Variants in ATRNL1 observed in about 807,000 individuals in gnomAD.
ATRNL1 encodes attractin like 1.
ATRNL1 carries 95 observed loss-of-function variants against 182.7 expected under a neutral mutation model. The ratio of observed to expected loss-of-function variants is 0.52; its 90% CI spans 0.44 to 0.62. The LOEUF is 0.62. Among genes scored for constraint, ATRNL1 ranks in the 20% least tolerant of loss-of-function variants. The probability of loss-of-function intolerance (pLI) is 0.00; values close to 1 mark genes in which losing one functional copy is unlikely to be tolerated. For missense variants in ATRNL1, 1,471 were observed against 1,679.5 expected, an observed-to-expected ratio of 0.88 and a Z score of 2.17; for synonymous variants, 576 against 568.3, an observed-to-expected ratio of 1.01 and a Z score of -0.19.
At chr10:115,474,469 C>A (rs1848443443) in intron 24 of ATRNL1, among the ~76,000 whole-genome samples, 1 of 151,206 alleles carries the variant, frequency 6.6e-6, no homozygotes, top group African/African-American at 2.4e-5. Context: ...CTTCATGGAT[C>A]TAGACATCTG....
chr10:115,552,447 G>A (rs1853046920), intron 26 of ATRNL1, among the ~76,000 whole-genome samples: 1 of 151,300 alleles, frequency 6.6e-6, no homozygotes, highest in African/African-American at 2.4e-5. Flanking sequence ...TACAGTAAAT[G>A]AAAGTTACTT....
At chr10:115,630,441 A>G (rs1555025932) in intron 26 of ATRNL1, among the ~76,000 whole-genome samples, 2 of 151,956 alleles carry the variant, frequency 1.3e-5, no homozygotes, top group Admixed American at 6.6e-5. Flanking sequence ...CTATTATAGA[A>G]AACAATACGG....
intron 26 of ATRNL1, among the ~76,000 whole-genome samples, chr10:115,674,578 G>T (rs1555042390): frequency 1.3e-5 from 2 of 152,030 alleles, no homozygotes; most frequent in African/African-American, 2.4e-5. Context: ...TGTAGTCCCA[G>T]TTCTCAAGGA....
chr10:115,461,068 A>G (rs1847772412), intron 21 of ATRNL1, among the ~76,000 whole-genome samples: 1 of 152,184 alleles, frequency 6.6e-6, no homozygotes, highest in African/African-American at 2.4e-5. Flanking sequence ...TAATGCCTTA[A>G]TAGTTTTAAA....
intron 5 of ATRNL1, among the ~76,000 whole-genome samples, chr10:115,130,468 A>C (rs1373843540): frequency 6.6e-6 from 1 of 152,078 alleles, no homozygotes; most frequent in Non-Finnish European, 1.5e-5. Flanking sequence ...ACTTACTTAG[A>C]GGAATTATTT....
chr10:115,293,589 G>A (rs1463936171), intron 15 of ATRNL1, among the ~76,000 whole-genome samples: 1 of 151,898 alleles, frequency 6.6e-6, no homozygotes, highest in Non-Finnish European at 1.5e-5. Context: ...TCATTATGTT[G>A]GTTATCATCT....
At chr10:115,290,906 G>GCTACTT (rs1852870159) in intron 15 of ATRNL1, among the ~76,000 whole-genome samples, 1 of 152,164 alleles carries the variant, frequency 6.6e-6, no homozygotes, top group South Asian at 2.1e-4. Context: ...TATGTAGATG[G>GCTACTT]GTTCTCTACT....
intron 8 of ATRNL1, among the ~76,000 whole-genome samples, chr10:115,192,414 G>C (rs1440794213): frequency 1.3e-5 from 2 of 151,996 alleles, no homozygotes; most frequent in Non-Finnish European, 2.9e-5. Context: ...GTAAATGTGT[G>C]AATTTATTTC....
At chr10:115,389,684 A>C (rs1325588722) in intron 19 of ATRNL1, among the ~76,000 whole-genome samples, 2 of 149,900 alleles carry the variant, frequency 1.3e-5, no homozygotes, top group African/African-American at 4.9e-5. Flanking sequence ...TCTCTTTGGC[A>C]TACTTATTTC....
At chr10:115,739,920 A>G (rs1948087593) in intron 27 of ATRNL1, among the ~76,000 whole-genome samples, 1 of 152,166 alleles carries the variant, frequency 6.6e-6, no homozygotes, top group Non-Finnish European at 1.5e-5. Flanking sequence ...TAACTTGTAT[A>G]TCCTTTTTTC....
At chr10:115,163,572 C>T (rs767079813) in intron 6 of ATRNL1, among the ~76,000 whole-genome samples, 9 of 151,796 alleles carry the variant, frequency 5.9e-5, no homozygotes, top group Non-Finnish European at 1.3e-4. Flanking sequence ...CCTATATTGC[C>T]CTGGCTAGTC....
chr10:115,464,152 A>C (rs928609576), intron 22 of ATRNL1, among the ~76,000 whole-genome samples: 1 of 152,012 alleles, frequency 6.6e-6, no homozygotes, highest in Non-Finnish European at 1.5e-5. Flanking sequence ...TTAACGATGC[A>C]TAACTGTCAT....
At chr10:115,646,681 A>G (rs1362522218) in intron 26 of ATRNL1, among the ~76,000 whole-genome samples, 1 of 150,214 alleles carries the variant, frequency 6.7e-6, no homozygotes, top group African/African-American at 2.5e-5. Flanking sequence ...AAGCCCTCCC[A>G]TACTTTTCCC....
chr10:115,329,626 A>G (rs1359190837), intron 18 of ATRNL1, among the ~76,000 whole-genome samples: 1 of 152,138 alleles, frequency 6.6e-6, no homozygotes, highest in East Asian at 1.9e-4. Context: ...TTTATCAGTA[A>G]GTATTGACCT....
At chr10:115,719,455 A>G (rs1555057196) in intron 26 of ATRNL1, among the ~76,000 whole-genome samples, 2 of 152,336 alleles carry the variant, frequency 1.3e-5, no homozygotes, top group East Asian at 1.9e-4. Flanking sequence ...AGTGTTCACA[A>G]GTTGGAATTC....
At chr10:115,254,656 C>T (rs1851038154) in intron 10 of ATRNL1, among the ~76,000 whole-genome samples, 1 of 152,160 alleles carries the variant, frequency 6.6e-6, no homozygotes, top group Non-Finnish European at 1.5e-5. Flanking sequence ...TTCCATTTGT[C>T]AATTTTGGCT....
chr10:115,916,863 T>A (rs1952870386), intron 28 of ATRNL1, among the ~76,000 whole-genome samples: 1 of 152,182 alleles, frequency 6.6e-6, no homozygotes, highest in Non-Finnish European at 1.5e-5. Flanking sequence ...CCAGAATCCG[T>A]GCTTCCAACA....
intron 18 of ATRNL1, among the ~76,000 whole-genome samples, chr10:115,319,766 A>G (rs1477024025): frequency 7.8e-6 from 1 of 127,828 alleles, no homozygotes; most frequent in Non-Finnish European, 1.7e-5. Flanking sequence ...CCATCTCTTT[A>G]TTTTGAGCCT....
intron 24 of ATRNL1, among the ~76,000 whole-genome samples, chr10:115,498,456 A>G (rs11197247): frequency 0.35 from 53,771 of 151,860 alleles, 11,230 homozygotes; most frequent in Non-Finnish European, 0.48. Flanking sequence ...CTTAAGCTCT[A>G]TGATGCCATT....
Sources: allele counts gnomAD v4.1 joint callset (sites outside exome capture counted in the v4.1 genomes callset), GRCh38; gene constraint gnomAD v4.1.1; transcripts MANE v1.5; gene names NCBI Gene and HGNC (gene_info 2026-07-23, HGNC 2026-07-21).